The following RHOG variants were observed in gnomAD, a reference collection of about 807,000 sequenced individuals.
RHOG encodes the protein rho-related GTP-binding protein RhoG.
A neutral mutation model predicts 12.3 loss-of-function variants in RHOG; 1 was observed. The observed-to-expected ratio is 0.08, with a 90% confidence interval of 0.03 to 0.39. RHOG has a LOEUF of 0.39. RHOG is among the 10% of genes least tolerant of loss of function. The pLI, the probability that RHOG is intolerant of heterozygous loss-of-function variation, is 0.99. For missense variants in RHOG, 114 were observed against 266.2 expected, an observed-to-expected ratio of 0.43 and a Z score of 3.98; for synonymous variants, 129 against 116.0, an observed-to-expected ratio of 1.11 and a Z score of -0.72.
intron 1 of RHOG, among the ~76,000 whole-genome samples, chr11:3,831,424 G>T (rs1414995456): frequency 2.0e-5 from 3 of 151,992 alleles, no homozygotes; most frequent in Non-Finnish European, 4.4e-5. Context: ...GTGTGTGTGT[G>T]TGTTTGTGCG....
chr11:3,840,544 C>CCCCCCCCA (rs1554948357), intron 1 of RHOG: 1 of 150,054 alleles, frequency 6.7e-6, no homozygotes, highest in African/African-American at 2.5e-5. Flanking sequence ...ACACCCCCCC[C>CCCCCCCCA]ACCAACTTCT....
chr11:3,834,834 C>T (rs182536081), intron 1 of RHOG, among the ~76,000 whole-genome samples: 1 of 152,286 alleles, frequency 6.6e-6, no homozygotes, highest in Admixed American at 6.5e-5. Flanking sequence ...GTGATGGGAA[C>T]TTACCTCAGC....
intron 1 of RHOG, among the ~76,000 whole-genome samples, chr11:3,832,123 GATGTCTTGAGTTTA>G (rs2090133148): frequency 6.6e-6 from 1 of 152,114 alleles, no homozygotes; most frequent in Non-Finnish European, 1.5e-5. Flanking sequence ...ACCTGACTCT[GATGTCTTGAGTTTA>G]TCTGCCGACC....
chr11:3,827,376 G>A lies in RHOG; in HGVS notation c.*187C>T. Reference sequence around the variant, plus strand: ...CAGTGTTCCCAAGCAGAGGGGGGCAGAGCCCAAAGCCCCTTTCTCTGCAGG... The same window carrying A: ...CAGTGTTCCCAAGCAGAGGGGGGCAAAGCCCAAAGCCCCTTTCTCTGCAGG... On this transcript the variant is annotated 3_prime_UTR_variant, in exon 2 of 2. Coordinates refer to ENST00000351018, the MANE Select transcript of RHOG (RefSeq NM_001665.4). This position sits in a 1 kb window ranked among gnomAD's most constrained non-coding sequence, Gnocchi z 7.3. 1 of 600,576 alleles carries A rather than the reference G, an allele frequency of 1.7e-6. No individual in the cohort carries two copies. Among genetic ancestry groups the A allele is most frequent in the Non-Finnish European group, 2.9e-6 (1 of 339,320 alleles). The allele number at this position is 600,576 out of a possible 1,614,324, so 37.2% of individuals were successfully genotyped here. A position where few individuals can be genotyped will look rare whatever the true frequency, so the allele number is the denominator to read the frequency against.
intron 1 of RHOG, among the ~76,000 whole-genome samples, chr11:3,831,307 C>T (rs1327583088): frequency 1.3e-5 from 2 of 152,200 alleles, no homozygotes; most frequent in Non-Finnish European, 2.9e-5. Context: ...TCCCAGGCTA[C>T]AGTTTGCCTT....
chr11:3,836,671 G>A (rs2090158749), intron 1 of RHOG, among the ~76,000 whole-genome samples: 1 of 151,760 alleles, frequency 6.6e-6, no homozygotes, highest in Admixed American at 6.6e-5. Flanking sequence ...GGCTGAGGCT[G>A]GCAGATCACT....
intron 1 of RHOG, among the ~76,000 whole-genome samples, chr11:3,831,155 C>T (rs919403452): frequency 7.2e-5 from 11 of 152,048 alleles, no homozygotes; most frequent in African/African-American, 1.2e-4. Flanking sequence ...AACCCCTTAC[C>T]CCCCCAGCCT....
chr11:3,829,904 G>A (rs750169332), intron 1 of RHOG, among the ~76,000 whole-genome samples: 11 of 152,094 alleles, frequency 7.2e-5, no homozygotes, highest in South Asian at 2.1e-4. Context: ...ATGCCACCAC[G>A]TCCAGCTAAT....
At chr11:3,839,081 A>C (rs2090173350) in intron 1 of RHOG, among the ~76,000 whole-genome samples, 1 of 152,188 alleles carries the variant, frequency 6.6e-6, no homozygotes, top group African/African-American at 2.4e-5. Context: ...TTAAGTCCGA[A>C]GTTAGACCAG....
At chr11:3,831,483 A>G (rs926077445) in intron 1 of RHOG, among the ~76,000 whole-genome samples, 1 of 152,186 alleles carries the variant, frequency 6.6e-6, no homozygotes, top group Non-Finnish European at 1.5e-5. Context: ...AGACCCTCAG[A>G]CAGTGGGTCA....
intron 1 of RHOG, among the ~76,000 whole-genome samples, chr11:3,838,602 G>A (rs770002123): frequency 6.6e-6 from 1 of 152,200 alleles, no homozygotes; most frequent in African/African-American, 2.4e-5. Flanking sequence ...GTGGTTGGAA[G>A]GGCAGGACTG....
At chr11:3,829,381 G>A (rs374974046) in intron 1 of RHOG, among the ~76,000 whole-genome samples, 3 of 151,608 alleles carry the variant, frequency 2.0e-5, no homozygotes, top group South Asian at 4.2e-4. Flanking sequence ...CTCCCGAGTG[G>A]CTGGGACTAC....
At chr11:3,830,470 C>T (rs1448507207) in intron 1 of RHOG, 1 of 151,962 alleles carries the variant, frequency 6.6e-6, no homozygotes, top group African/African-American at 2.4e-5. Flanking sequence ...GCCTGGGCAA[C>T]ATGGCAAAAC....
In RHOG at chr11:3,839,476, G is replaced by A. The variant is rs1242065329; in HGVS notation, c.-69+1418C>T. 6.2e-5 allele frequency among the ~76,000 whole-genome samples: 8 copies of A among 128,510 alleles called. No individual in the cohort carries two copies. In the East Asian group the frequency reaches 6.8e-4, roughly 11 times the overall value. 84.3% of individuals were successfully genotyped at this position (128,510 alleles called of 152,430 possible). A position where few individuals can be genotyped will look rare whatever the true frequency, so the allele number is the denominator to read the frequency against. On this transcript the variant is annotated intron_variant, in intron 1 of 1. Coordinates refer to ENST00000351018, the MANE Select transcript of RHOG (RefSeq NM_001665.4). ...GATAAAGATGTAGTCACACAGACACGCGCGCGCGAACACACACACACACAC... is the reference window on the plus strand; with the variant it reads ...GATAAAGATGTAGTCACACAGACACACGCGCGCGAACACACACACACACAC...
chr11:3,831,438 GC>G (rs2090128245), intron 1 of RHOG, among the ~76,000 whole-genome samples: 3 of 151,528 alleles, frequency 2.0e-5, no homozygotes, highest in African/African-American at 7.3e-5. Flanking sequence ...TTGTGCGCGT[GC>G]ACGTGTGCAT....
At chr11:3,839,593 A>G (rs915534201) in intron 1 of RHOG, among the ~76,000 whole-genome samples, 5 of 113,538 alleles carry the variant, frequency 4.4e-5, no homozygotes, top group Admixed American at 2.4e-4. Context: ...GCGTGCGAAC[A>G]CACACGCAAA....
rs748083712 is a variant in RHOG, at chr11:3,827,519, TGGTG to T, written c.*40_*43del. ...GGCGGACAAGGCACCAAGGCACAAC[TGGTG>T]GGGGGAGGGCAGGGGCAGCCTCCAA... On this transcript the variant is annotated 3_prime_UTR_variant, in exon 2 of 2. Coordinates refer to ENST00000351018, the MANE Select transcript of RHOG (RefSeq NM_001665.4). The surrounding 1 kb of genome is among the most constrained non-coding windows in gnomAD (Gnocchi z 7.3). 2.0e-5 allele frequency: 31 copies of T among 1,518,272 alleles called. No homozygotes were observed. Among genetic ancestry groups the T allele is most frequent in the Admixed American group, 8.6e-5 (5 of 58,378 alleles). The allele number at this position is 1,518,272 out of a possible 1,614,324, so 94.1% of individuals were successfully genotyped here. A position where few individuals can be genotyped will look rare whatever the true frequency, so the allele number is the denominator to read the frequency against.
rs71041402 is a variant in RHOG, at chr11:3,839,485, AACACACACACACACACACAC to A, written c.-69+1389_-69+1408del. Among the ~76,000 whole-genome samples the A allele has an allele frequency of 3.6e-4, 51 of 141,996 alleles. 1 individual carries two copies. Among genetic ancestry groups the A allele is most frequent in the African/African-American group, 1.3e-3 (48 of 38,138 alleles). 93.2% of individuals were successfully genotyped at this position (141,996 alleles called of 152,430 possible). ...GTAGTCACACAGACACGCGCGCGCG[AACACACACACACACACACAC>A]ACACACACACACACACACAGGCTTT... is the stretch of plus-strand genomic sequence containing the variant. On this transcript the variant is annotated intron_variant, in intron 1 of 1. Coordinates refer to ENST00000351018, the MANE Select transcript of RHOG (RefSeq NM_001665.4).
chr11:3,835,762 G>A (rs1316121971), intron 1 of RHOG, among the ~76,000 whole-genome samples: 1 of 152,230 alleles, frequency 6.6e-6, no homozygotes, highest in African/African-American at 2.4e-5. Flanking sequence ...TACAGACTGG[G>A]AATATCCGAG....
Sources: gnomAD v4.1 joint callset for allele counts (sites outside exome capture counted in the v4.1 genomes callset) on GRCh38, gnomAD v4.1.1 for gene constraint, Gnocchi (gnomAD v3.1) non-coding constraint, MANE v1.5 for transcripts, NCBI Gene and HGNC (gene_info 2026-07-23, HGNC 2026-07-21) for gene names.